The following FAAH2 variants were observed in gnomAD, a reference collection of about 807,000 sequenced individuals.
FAAH2 encodes the protein fatty-acid amide hydrolase 2.
A neutral mutation model predicts 36.9 loss-of-function variants in FAAH2; 60 were observed. The observed-to-expected ratio is 1.63, with a 90% CI of 1.32 to 2.02. The LOEUF is 2.02. FAAH2 is among the 30% of genes most tolerant of loss of function. The pLI is 0.00. For missense variants in FAAH2, 689 were observed against 397.5 expected, an observed-to-expected ratio of 1.73 and a Z score of -6.23; for synonymous variants, 214 against 143.8, an observed-to-expected ratio of 1.49 and a Z score of -3.49.
chrX:57,477,228 G>GT lies in FAAH2; in HGVS notation c.1424-11523dup, dbSNP rs895900885. Among the ~76,000 whole-genome samples, 10 of 108,990 alleles carry GT rather than the reference G, an allele frequency of 9.2e-5. No homozygotes were observed. In the East Asian group the frequency reaches 1.7e-3, roughly 19 times the overall value. 94.6% of individuals were successfully genotyped at this position (108,990 alleles called of 115,157 possible). A position where few individuals can be genotyped will look rare whatever the true frequency, so the allele number is the denominator to read the frequency against. ...AGTTCTGCTCTGATCTTAGTTATTT[G>GT]TTTTTTAATTTTTAATAATATGTTA... On this transcript the variant is annotated intron_variant, in intron 10 of 10. Transcript: ENST00000374900.
intron 2 of FAAH2, among the ~76,000 whole-genome samples, chrX:57,307,178 T>C (rs1322665883): frequency 9.6e-6 from 1 of 104,312 alleles, no homozygotes; most frequent in Non-Finnish European, 2.0e-5. Context: ...CATCCCTTCA[T>C]CTTTCTATTC....
At chrX:57,321,550 A>G (rs2053026858) in intron 3 of FAAH2, among the ~76,000 whole-genome samples, 1 of 110,472 alleles carries the variant, frequency 9.1e-6, no homozygotes, top group Non-Finnish European at 1.9e-5. Context: ...AATTAAAAAA[A>G]TAGGTTTCCA....
the FAAH2 span, among the ~76,000 whole-genome samples, chrX:57,270,728 G>A: frequency 9.0e-6 from 1 of 111,287 alleles, no homozygotes; most frequent in East Asian, 2.8e-4. Flanking sequence ...GAAGTGCAAG[G>A]GGTCGGGGAA....
chrX:57,270,925 C>A, the FAAH2 span, among the ~76,000 whole-genome samples: 23 of 112,191 alleles, frequency 2.1e-4, no homozygotes, highest in Admixed American at 2.0e-3. Context: ...GAACTAGCTG[C>A]AGGAGCTCTT....
intron 7 of FAAH2, among the ~76,000 whole-genome samples, chrX:57,398,546 CTT>C (rs1344863379): frequency 2.9e-5 from 3 of 103,855 alleles, no homozygotes; most frequent in Non-Finnish European, 2.0e-5. Context: ...GTTCATTTAA[CTT>C]TTTTTTTTTT....
chrX:57,241,860 A>G, the FAAH2 span, among the ~76,000 whole-genome samples: 1 of 111,260 alleles, frequency 9.0e-6, no homozygotes, highest in African/African-American at 3.3e-5. Flanking sequence ...ACAGCACAGA[A>G]AAGCAGCTAT....
chrX:57,392,342 T>G (rs2055185813), intron 7 of FAAH2, among the ~76,000 whole-genome samples: 1 of 111,786 alleles, frequency 8.9e-6, no homozygotes, highest in South Asian at 3.8e-4. Flanking sequence ...AGAGTGGAGA[T>G]CCTTGTCTTT....
At chrX:57,305,485 G>C (rs775855133) in intron 2 of FAAH2, among the ~76,000 whole-genome samples, 1 of 111,070 alleles carries the variant, frequency 9.0e-6, no homozygotes, top group Non-Finnish European at 1.9e-5. Context: ...TGTCACTTTA[G>C]TCCCAATCAC....
intron 10 of FAAH2, among the ~76,000 whole-genome samples, chrX:57,460,360 A>T (rs2056936462): frequency 9.0e-6 from 1 of 111,347 alleles, no homozygotes; most frequent in South Asian, 3.9e-4. Flanking sequence ...TAATCCTCAG[A>T]TTCTCCAAAG....
At chrX:57,407,801 C>T (rs1365466607) in intron 7 of FAAH2, among the ~76,000 whole-genome samples, 2 of 111,776 alleles carry the variant, frequency 1.8e-5, no homozygotes, top group African/African-American at 3.2e-5. Context: ...TTTAAATCTT[C>T]GATCCATTTT....
At chrX:57,327,079 T>A (rs2053240100) in intron 3 of FAAH2, among the ~76,000 whole-genome samples, 1 of 109,142 alleles carries the variant, frequency 9.2e-6, no homozygotes, top group African/African-American at 3.4e-5. Flanking sequence ...TAAAGGATTT[T>A]ATTTCTCCTG....
intron 5 of FAAH2, among the ~76,000 whole-genome samples, chrX:57,349,393 A>G (rs1482694124): frequency 1.0e-5 from 1 of 98,787 alleles, no homozygotes. Flanking sequence ...TTTAATATAT[A>G]TGTATATATG....
chrX:57,449,499 T>A (rs1011673808), intron 10 of FAAH2, among the ~76,000 whole-genome samples: 1 of 111,813 alleles, frequency 8.9e-6, no homozygotes, highest in Non-Finnish European at 1.9e-5. Flanking sequence ...AGTGTTGCAG[T>A]TAAGATTAAA....
At chrX:57,239,170 T>A in the FAAH2 span, among the ~76,000 whole-genome samples, 4 of 111,651 alleles carry the variant, frequency 3.6e-5, no homozygotes, top group Admixed American at 9.5e-5. Flanking sequence ...TGGTACCAGG[T>A]CTTCTTTATA....
At chrX:57,444,053 G>C (rs1389190639) in intron 8 of FAAH2, among the ~76,000 whole-genome samples, 2 of 111,941 alleles carry the variant, frequency 1.8e-5, no homozygotes, top group Non-Finnish European at 3.8e-5. Flanking sequence ...GGCTACCTGG[G>C]GGTCAGGGAC....
chrX:57,161,188 C>T, the FAAH2 span, among the ~76,000 whole-genome samples: 1 of 112,000 alleles, frequency 8.9e-6, no homozygotes, highest in Admixed American at 9.5e-5. Flanking sequence ...GTTTCTTAAT[C>T]CTGAGTTCTA....
At chrX:57,284,746 T>G (rs1018637607), upstream of FAAH2, among the ~76,000 whole-genome samples, 1 of 111,556 alleles carries the variant, frequency 9.0e-6, no homozygotes, top group African/African-American at 3.3e-5. Context: ...TTAAAATATT[T>G]AAGATTGTAA....
At chrX:57,471,333 A>T (rs933124373) in intron 10 of FAAH2, among the ~76,000 whole-genome samples, 1 of 112,099 alleles carries the variant, frequency 8.9e-6, no homozygotes, top group Admixed American at 9.5e-5. Context: ...ACAAGATTGT[A>T]AATCTAGAAA....
In FAAH2 at chrX:57,403,910, G is replaced by A. The variant is rs754177619; in HGVS notation, c.996+22881G>A. Among the ~76,000 whole-genome samples, 4 of 112,776 alleles carry A rather than the reference G, an allele frequency of 3.5e-5. No individual in the cohort carries two copies. In the South Asian group the frequency reaches 1.5e-3, roughly 41 times the overall value. Reference sequence around the variant, plus strand: ...AATGTTAAATTATCTTTCTCTAACAGAATAGCCCCATACTTTAAGATTTTT... The same window carrying A: ...AATGTTAAATTATCTTTCTCTAACAAAATAGCCCCATACTTTAAGATTTTT... On this transcript the variant is annotated intron_variant, in intron 7 of 10. Coordinates refer to ENST00000374900, the MANE Select transcript of FAAH2 (RefSeq NM_174912.4).
Sources: allele counts gnomAD v4.1 joint callset (sites outside exome capture counted in the v4.1 genomes callset), GRCh38; gene constraint gnomAD v4.1.1; transcripts MANE v1.5; gene names NCBI Gene and HGNC (gene_info 2026-07-23, HGNC 2026-07-21).